Variants in DAPK3 observed in about 807,000 individuals in gnomAD.
The protein encoded by DAPK3 is death associated protein kinase 3.
DAPK3 carries 24 observed loss-of-function variants against 30.6 expected under a neutral mutation model. That is an observed-to-expected ratio of 0.78 (90% CI 0.57 to 1.10). The LOEUF is 1.10. DAPK3 is among the 50% of genes least tolerant of loss of function. The pLI, the probability that DAPK3 is intolerant of heterozygous loss-of-function variation, is 0.00. For synonymous variants in DAPK3, 341 were observed against 284.0 expected (o/e 1.20, Z -2.02); for missense variants, 629 against 657.3 (o/e 0.96, Z 0.47).
chr19:3,961,386 G>T, intron 6 of DAPK3: 1 of 691,186 alleles, frequency 1.4e-6, no homozygotes, highest in Non-Finnish European at 2.8e-6. Context: ...CAGCAGAAAT[G>T]AACAGGCAGA....
chr19:3,960,644 T>C (rs2039499452), intron 7 of DAPK3, among the ~76,000 whole-genome samples: 1 of 151,624 alleles, frequency 6.6e-6, no homozygotes, highest in African/African-American at 2.4e-5. Context: ...CCAGGCGTGG[T>C]GGCGGGCGTC....
chr19:3,961,545 G>T (rs1251298323), intron 6 of DAPK3: 2 of 492,592 alleles, frequency 4.1e-6, no homozygotes, highest in African/African-American at 3.9e-5. Flanking sequence ...GCAGTGAGAG[G>T]CCCCAACAGC....
At position 3,958,892 on chromosome 19, in the gene DAPK3, G is replaced by C. The variant is rs3745981; in HGVS notation, c.*209C>G. 7 of 581,536 alleles carry C rather than the reference G, an allele frequency of 1.2e-5. 1 individual carries two copies. The highest frequency in any genetic ancestry group is 1.1e-4 in the African/African-American group (6 of 52,438). The allele number at this position is 581,536 out of a possible 1,614,324, so 36.0% of individuals were successfully genotyped here. On this transcript the variant is annotated 3_prime_UTR_variant, in exon 9 of 9. Transcript: ENST00000545797. ...CAGGGGTGAAGGTGAAGGCCAGCGT[G>C]GAGGCTGTGTAGAGAAGCAGCCCCG... is the stretch of plus-strand genomic sequence containing the variant.
At chr19:3,962,166 C>CTTT (rs941508897) in intron 6 of DAPK3, among the ~76,000 whole-genome samples, 2 of 152,188 alleles carry the variant, frequency 1.3e-5, no homozygotes, top group Non-Finnish European at 1.5e-5. Flanking sequence ...CCATCTAGCA[C>CTTT]TTTTGTGATT....
At chr19:3,961,265 G>T in intron 6 of DAPK3, 104 bp from the exon 7 acceptor site, 2 of 943,218 alleles carry the variant, frequency 2.1e-6, no homozygotes, top group East Asian at 2.5e-5. Context: ...ACAGGCTGAC[G>T]GCAGGTGCCT....
In DAPK3 at chr19:3,959,470, C is replaced by G. The variant is rs1447934600; in HGVS notation, c.996G>C (p.Ala332=). 3 of 1,547,190 alleles carry G rather than the reference C, an allele frequency of 1.9e-6. No homozygotes were observed. Among genetic ancestry groups the G allele is most frequent in the Non-Finnish European group, 1.7e-6 (2 of 1,153,196 alleles). The change falls in exon 9 of 9, where the codon GCG becomes GCC. Residue 332 remains alanine, a synonymous_variant. Coordinates refer to ENST00000545797, the MANE Select transcript of DAPK3 (RefSeq NM_001348.3). ...FERFSKVLEE[A]AAAEEGLREL... ...CGCGCAGGCCCTCCTCGGCGGCCGC[C>G]GCCTCCTCCAGCACCTTGGAGAAGC... is the stretch of plus-strand genomic sequence containing the variant.
chr19:3,959,756 G>A (rs1211995798), intron 8 of DAPK3, 119 bp from the exon 9 acceptor site: 2 of 1,173,998 alleles, frequency 1.7e-6, no homozygotes, highest in Non-Finnish European at 2.3e-6. Context: ...AACGCCTCGT[G>A]ACGGAGACTG....
Position 3,964,887 on chromosome 19 carries a change from A to G in DAPK3, c.167T>C (p.Val56Ala), listed in dbSNP as rs755208227. 6 of 1,610,262 alleles carry G rather than the reference A, an allele frequency of 3.7e-6. No individual in the cohort carries two copies. The South Asian group carries it at 6.6e-5, about 18-fold the overall frequency. ...KRRLSSSRRG[V>A]SREEIEREVN... is the part of the protein sequence containing the mutation. The stretch of plus-strand genomic sequence containing the variant: ...CTCCCGCTCGATCTCCTCCCGGCTC[A>G]CCCCACGCCGGCTGGATGACAGGCG... The change falls in exon 3 of 9, where the codon GTG (valine) becomes GCG (alanine). Residue 56 changes from valine to alanine, a missense_variant. Val to Ala is a moderately conservative substitution (Grantham distance 64). Transcript: ENST00000545797.
chr19:3,964,702 G>C lies in DAPK3; in HGVS notation c.352C>G (p.Gln118Glu), dbSNP rs1391889158. The part of the protein sequence containing the change: ...KESLTEDEAT[Q>E]FLKQILDGVH... ...CCGTCCAGGATCTGCTTGAGGAACTGGGTGGCCTCGTCCTCCGTCAGCGAC... is the reference window on the plus strand; with the variant it reads ...CCGTCCAGGATCTGCTTGAGGAACTCGGTGGCCTCGTCCTCCGTCAGCGAC... The change falls in exon 3 of 9, where the codon CAG becomes GAG. Residue 118 changes from glutamine (Q) to glutamate (E), a missense_variant. Gln to Glu is a conservative substitution (Grantham distance 29). Transcript: ENST00000545797. 1 of 1,612,092 alleles carries C rather than the reference G, an allele frequency of 6.2e-7. No individual in the cohort carries two copies. Among genetic ancestry groups the C allele is most frequent in the Non-Finnish European group, 8.5e-7 (1 of 1,179,304 alleles).
In DAPK3 at chr19:3,959,020, G is replaced by T; in HGVS notation, c.*81C>A. On this transcript the variant is annotated 3_prime_UTR_variant, in exon 9 of 9. Transcript: ENST00000545797. ...GGGCAAGGACAGGCACCCGGGCGAT[G>T]GGAGGCGCAGCGTCCACAGGAAGCG... 1 of 906,372 alleles carries T rather than the reference G, an allele frequency of 1.1e-6. No homozygotes were observed. Among genetic ancestry groups the T allele is most frequent in the Non-Finnish European group, 1.6e-6 (1 of 624,270 alleles). 56.1% of individuals were successfully genotyped at this position (906,372 alleles called of 1,614,324 possible).
chr19:3,958,565 C>A lies in DAPK3; in HGVS notation c.*536G>T, dbSNP rs1297139450. ...GGAGTCCGCAGCAGGGCACCCCACA[C>A]CCGGGGGACCGGCCTCGGCGAGAAG... On this transcript the variant is annotated 3_prime_UTR_variant, in exon 9 of 9. Coordinates refer to ENST00000545797, the MANE Select transcript of DAPK3 (RefSeq NM_001348.3). 1 of 455,396 alleles carries A rather than the reference C, an allele frequency of 2.2e-6. No individual in the cohort carries two copies. The highest frequency in any genetic ancestry group is 2.0e-5 in the African/African-American group (1 of 50,080). 28.2% of individuals were successfully genotyped at this position (455,396 alleles called of 1,614,324 possible).
intron 2 of DAPK3, among the ~76,000 whole-genome samples, chr19:3,965,239 G>T (rs930177757): frequency 1.3e-5 from 2 of 152,250 alleles, no homozygotes; most frequent in African/African-American, 2.4e-5. Flanking sequence ...GTGTGTGGAG[G>T]GGAGTGCAGA....
At chr19:3,966,709 G>A (rs761920750) in intron 2 of DAPK3, among the ~76,000 whole-genome samples, 1 of 152,168 alleles carries the variant, frequency 6.6e-6, no homozygotes, top group African/African-American at 2.4e-5. Context: ...ACCTGCGGCC[G>A]CTGCACACCT....
At position 3,959,518 on chromosome 19, in the gene DAPK3, G is replaced by A. The variant is rs1034652061; in HGVS notation, c.948C>T (p.Asn316=). 5 of 1,569,064 alleles carry A rather than the reference G, an allele frequency of 3.2e-6. No homozygotes were observed. In the South Asian group the frequency reaches 3.5e-5, roughly 11 times the overall value. ...AGCGCTCGAAGTCGGCGTAGCTGTT[G>A]TTGGGCGGCAAGCTGGAGTGCGACT... The part of the protein sequence containing the change: ...TIKSHSSLPP[N]NSYADFERFS... The change falls in exon 9 of 9, where the codon AAC becomes AAT. Residue 316 remains asparagine, a synonymous_variant. Coordinates refer to ENST00000545797, the MANE Select transcript of DAPK3 (RefSeq NM_001348.3).
At chr19:3,964,396 AG>A in intron 3 of DAPK3, 23 bp from the exon 4 acceptor site, 1 of 1,605,258 alleles carries the variant, frequency 6.2e-7, no homozygotes, top group Non-Finnish European at 8.5e-7. Flanking sequence ...GAGGCTCAGC[AG>A]GGAAAGCACG....
At chr19:3,969,650 C>G in intron 2 of DAPK3, 24 bp downstream of exon 2, 1 of 1,536,564 alleles carries the variant, frequency 6.5e-7, no homozygotes, top group Non-Finnish European at 9.0e-7. Context: ...CCCTGGAGCC[C>G]AGCCGTGCGG....
At chr19:3,960,783 CAA>C (rs1187078505) in intron 7 of DAPK3, among the ~76,000 whole-genome samples, 8 of 13,524 alleles carry the variant, frequency 5.9e-4, no homozygotes, top group Non-Finnish European at 1.4e-3. Flanking sequence ...GACTCCGTCT[CAA>C]AAAAAAAGAC....
At position 3,963,533 on chromosome 19, in the gene DAPK3, G is replaced by A. The variant is rs377650680; in HGVS notation, c.629+110C>T. The A allele has an allele frequency of 2.8e-4, 173 of 626,384 alleles. 1 individual carries two copies. The highest frequency in any genetic ancestry group is 2.2e-3 in the African/African-American group (117 of 52,898). 38.8% of individuals were successfully genotyped at this position (626,384 alleles called of 1,614,324 possible). A position where few individuals can be genotyped will look rare whatever the true frequency, so the allele number is the denominator to read the frequency against. On this transcript the variant is annotated intron_variant, in intron 6 of 8. Coordinates refer to ENST00000545797, the MANE Select transcript of DAPK3 (RefSeq NM_001348.3). ...CACCCGGTATCCCCTGAGTACCCGC[G>A]ATGGGTCACAGCCAGGCTGGGGACC...
intron 6 of DAPK3, among the ~76,000 whole-genome samples, chr19:3,962,911 G>C (rs757948042): frequency 3.3e-5 from 5 of 151,720 alleles, no homozygotes; most frequent in Non-Finnish European, 7.4e-5. Flanking sequence ...AACCAGCCTT[G>C]ATCAACATGG....
Sources: allele counts gnomAD v4.1 joint callset (sites outside exome capture counted in the v4.1 genomes callset), GRCh38; gene constraint gnomAD v4.1.1; transcripts MANE v1.5; gene names NCBI Gene and HGNC (gene_info 2026-07-23, HGNC 2026-07-21).